Variants in CADPS2 observed in about 807,000 individuals in gnomAD.
CADPS2 encodes the protein calcium dependent secretion activator 2.
CADPS2 carries 93 observed loss-of-function variants against 172.5 expected under a neutral mutation model. The ratio of observed to expected loss-of-function variants is 0.54; its 90% CI spans 0.46 to 0.64. The LOEUF (loss-of-function observed/expected upper bound fraction) is 0.64. Among genes scored for constraint, CADPS2 ranks in the 30% least tolerant of loss-of-function variants. The pLI is 0.00. For synonymous variants in CADPS2, 546 were observed against 555.2 expected (o/e 0.98, Z 0.23); for missense variants, 1,420 against 1,565.9 (o/e 0.91, Z 1.57).
chr7:122,846,532 C>A (rs1563164104), intron 1 of CADPS2, among the ~76,000 whole-genome samples: 1 of 152,196 alleles, frequency 6.6e-6, no homozygotes, highest in African/African-American at 2.4e-5. Context: ...TATTTATATT[C>A]AGATTCAGCA....
At chr7:122,551,727 C>T (rs992499477) in intron 8 of CADPS2, among the ~76,000 whole-genome samples, 2 of 152,142 alleles carry the variant, frequency 1.3e-5, no homozygotes, top group Admixed American at 1.3e-4. Context: ...ATTTTTAAAA[C>T]TTGACTTGTC....
In CADPS2 at chr7:122,799,455, T is replaced by C. The variant is rs1490437502; in HGVS notation, c.340-62387A>G. Among the ~76,000 whole-genome samples, 3 of 150,868 alleles carry C rather than the reference T, an allele frequency of 2.0e-5. No homozygotes were observed. The East Asian group carries it at 5.9e-4, about 30-fold the overall frequency. ...TCTACTAAAAATACAAAAACAAAATTAGCCGGGCGTGGTGGTGGGCGCCTG... is the reference window on the plus strand; with the variant it reads ...TCTACTAAAAATACAAAAACAAAATCAGCCGGGCGTGGTGGTGGGCGCCTG... On this transcript the variant is annotated intron_variant, in intron 1 of 29. Coordinates refer to ENST00000449022, the MANE Select transcript of CADPS2 (RefSeq NM_017954.11).
At chr7:122,761,996 C>CAAAA (rs1163039605) in intron 1 of CADPS2, among the ~76,000 whole-genome samples, 2 of 67,522 alleles carry the variant, frequency 3.0e-5, no homozygotes, top group African/African-American at 1.1e-4. Flanking sequence ...GACTCTGCCT[C>CAAAA]AAAAAAAAAA....
intron 9 of CADPS2, among the ~76,000 whole-genome samples, chr7:122,511,897 A>G (rs950481017): frequency 2.6e-5 from 4 of 152,188 alleles, no homozygotes; most frequent in African/African-American, 9.6e-5. Flanking sequence ...CAGAAACGAA[A>G]TGTGGAAACT....
chr7:122,541,813 A>G (rs2063069066), intron 8 of CADPS2, among the ~76,000 whole-genome samples: 2 of 59,596 alleles, frequency 3.4e-5, no homozygotes, highest in South Asian at 9.6e-4. Context: ...ATATTTATAT[A>G]TTCATATGTT....
intron 1 of CADPS2, among the ~76,000 whole-genome samples, chr7:122,873,637 G>A (rs187458800): frequency 6.4e-4 from 97 of 152,274 alleles, no homozygotes; most frequent in African/African-American, 2.1e-3. Context: ...ACGTACGTGT[G>A]CATGTGTCCT....
intron 2 of CADPS2, chr7:122,676,838 A>AT (rs957128382): frequency 5.8e-3 from 3,087 of 530,736 alleles, no homozygotes; most frequent in South Asian, 8.6e-3. Flanking sequence ...TGGTGACAGT[A>AT]TTTTTTTTTT....
chr7:122,705,981 A>ATTAT (rs1554737505), intron 2 of CADPS2, among the ~76,000 whole-genome samples: 2 of 60,960 alleles, frequency 3.3e-5, no homozygotes, highest in African/African-American at 1.5e-4. Flanking sequence ...TATAATATAT[A>ATTAT]ATATTATATA....
At chr7:122,824,175 A>T (rs965321119) in intron 1 of CADPS2, among the ~76,000 whole-genome samples, 2 of 152,244 alleles carry the variant, frequency 1.3e-5, no homozygotes, top group Non-Finnish European at 2.9e-5. Context: ...GTGTTTGCTT[A>T]TATCATTTGA....
chr7:122,724,954 A>AAAT (rs1447656731), intron 2 of CADPS2, among the ~76,000 whole-genome samples: 29 of 152,058 alleles, frequency 1.9e-4, no homozygotes, highest in Non-Finnish European at 1.5e-5. Context: ...AATAGTTATA[A>AAAT]AATTATTTTA....
chr7:122,348,216 G>A (rs2037983627), intron 27 of CADPS2, among the ~76,000 whole-genome samples: 1 of 152,130 alleles, frequency 6.6e-6, no homozygotes, highest in South Asian at 2.1e-4. Context: ...GTTATGGCCA[G>A]GAAGACTGAA....
At chr7:122,689,954 T>C (rs2136014342) in intron 2 of CADPS2, among the ~76,000 whole-genome samples, 1 of 152,272 alleles carries the variant, frequency 6.6e-6, no homozygotes. Context: ...TATTCAAAGC[T>C]TGATGTGTTG....
At chr7:122,467,201 T>C (rs183063709) in intron 14 of CADPS2, among the ~76,000 whole-genome samples, 122 of 152,340 alleles carry the variant, frequency 8.0e-4, no homozygotes, top group Admixed American at 2.5e-3. Context: ...TGACCTTTCA[T>C]CTGGTTGCTC....
intron 1 of CADPS2, among the ~76,000 whole-genome samples, chr7:122,791,357 C>T (rs1028278048): frequency 6.6e-6 from 1 of 152,050 alleles, no homozygotes; most frequent in African/African-American, 2.4e-5. Flanking sequence ...TTAAACCTTG[C>T]TACTCTTTTT....
chr7:122,825,391 A>C (rs1308087403), intron 1 of CADPS2, among the ~76,000 whole-genome samples: 1 of 152,208 alleles, frequency 6.6e-6, no homozygotes, highest in African/African-American at 2.4e-5. Flanking sequence ...CTCAAGGAAA[A>C]CAACTAAATG....
chr7:122,721,796 A>C (rs2090441462), intron 2 of CADPS2, among the ~76,000 whole-genome samples: 1 of 152,186 alleles, frequency 6.6e-6, no homozygotes, highest in South Asian at 2.1e-4. Context: ...TCCTCAATAA[A>C]ATACTGGCAA....
Position 122,393,096 on chromosome 7 carries a change from C to G in CADPS2, c.3008+100G>C, listed in dbSNP as rs569398197. 4 of 1,327,938 alleles carry G rather than the reference C, an allele frequency of 3.0e-6. No homozygotes were observed. The African/African-American group carries it at 4.5e-5, about 15-fold the overall frequency. 82.3% of individuals were successfully genotyped at this position (1,327,938 alleles called of 1,614,324 possible). A position where few individuals can be genotyped will look rare whatever the true frequency, so the allele number is the denominator to read the frequency against. On this transcript the variant is annotated intron_variant, in intron 22 of 29. Coordinates refer to ENST00000449022, the MANE Select transcript of CADPS2 (RefSeq NM_017954.11). ...AAAAAAAACAGTATTCCTCAACCAA[C>G]GATGACAAATGCCATGCAGTCTAAA...
chr7:122,808,215 C>T (rs1247843864), intron 1 of CADPS2, among the ~76,000 whole-genome samples: 2 of 151,064 alleles, frequency 1.3e-5, no homozygotes, highest in African/African-American at 4.9e-5. Context: ...GAAATATGGG[C>T]TTTCTGATAT....
At chr7:122,362,119 A>C (rs142619835) in intron 25 of CADPS2, among the ~76,000 whole-genome samples, 132 of 152,250 alleles carry the variant, frequency 8.7e-4, no homozygotes, top group South Asian at 1.0e-3. Flanking sequence ...AACAAACAAA[A>C]AAAATGAACA....
Sources: gnomAD v4.1 joint callset for allele counts (sites outside exome capture counted in the v4.1 genomes callset) on GRCh38, gnomAD v4.1.1 for gene constraint, MANE v1.5 for transcripts, NCBI Gene and HGNC (gene_info 2026-07-23, HGNC 2026-07-21) for gene names.